The following NFASC variants were observed in gnomAD, a reference collection of about 807,000 sequenced individuals.
NFASC encodes neurofascin, also known as neurofascin homolog.
NFASC carries 43 observed loss-of-function variants against 147.5 expected under a neutral mutation model. That is an observed-to-expected ratio of 0.29 (90% CI 0.23 to 0.38). The LOEUF is 0.38. Ranked by LOEUF, NFASC falls within the 10% of genes least tolerant of loss-of-function variation. The pLI is 1.00. For missense variants in NFASC, 1,320 were observed against 1,689.0 expected, an observed-to-expected ratio of 0.78 and a Z score of 3.83; for synonymous variants, 622 against 665.5, an observed-to-expected ratio of 0.93 and a Z score of 1.01.
chr1:204,920,521 C>A, intron 1 of NFASC, 111 bp from the exon 2 acceptor site: 9 of 397,650 alleles, frequency 2.3e-5, no homozygotes, highest in Non-Finnish European at 3.1e-5. Context: ...TGGATGTGGA[C>A]AAAAATGTAA....
In NFASC at chr1:205,021,083, C is replaced by T. The variant is rs2096397545; in HGVS notation, c.*4544C>T. 1 of 152,146 alleles carries T rather than the reference C, an allele frequency of 6.6e-6. No individual in the cohort carries two copies. The highest frequency in any genetic ancestry group is 2.4e-5 in the African/African-American group (1 of 41,406). 9.4% of individuals were successfully genotyped at this position (152,146 alleles called of 1,614,324 possible). ...AAGAGCTTGATATGTCAAGAGGAGA[C>T]CAAGGCCCTGGGAGGCATAGGCAAG... On this transcript the variant is annotated 3_prime_UTR_variant, in exon 30 of 30. Coordinates refer to ENST00000339876, the MANE Select transcript of NFASC (RefSeq NM_001005388.3).
chr1:204,850,304 C>G lies in NFASC; in HGVS notation c.-200+21522C>G, dbSNP rs533466816. ...TCAATTTTTAATCATTTATTTAGTA[C>G]CTTGTCCCATGTTTTCTTCCTTAAT... On this transcript the variant is annotated intron_variant, in intron 1 of 29. Coordinates refer to ENST00000339876, the MANE Select transcript of NFASC (RefSeq NM_001005388.3). Among the ~76,000 whole-genome samples, 7 of 152,238 alleles carry G rather than the reference C, an allele frequency of 4.6e-5. No individual in the cohort carries two copies. The South Asian group carries it at 6.2e-4, about 14-fold the overall frequency.
chr1:205,012,714 G>T (rs748491091), intron 28 of NFASC, 83 bp from the exon 29 acceptor site: 2 of 1,025,800 alleles, frequency 1.9e-6, no homozygotes, highest in Admixed American at 3.4e-5. Flanking sequence ...GTGCCTTCTG[G>T]CCCTGCATTC....
rs186064823 is a variant in NFASC, at chr1:204,899,960, C to T, written c.-199-20672C>T. On this transcript the variant is annotated intron_variant, in intron 1 of 29. Coordinates refer to ENST00000339876, the MANE Select transcript of NFASC (RefSeq NM_001005388.3). ...ATTTTCTCATCTGTAAAGCGGGTGT[C>T]ATGATAATATGTACTGTACTAAGTG... 2.8e-3 allele frequency among the ~76,000 whole-genome samples: 419 copies of T among 152,262 alleles called. 2 individuals carry two copies. The highest frequency in any genetic ancestry group is 9.7e-3 in the African/African-American group (404 of 41,548).
chr1:204,876,869 G>A (rs1211516091), intron 1 of NFASC, among the ~76,000 whole-genome samples: 1 of 150,916 alleles, frequency 6.6e-6, no homozygotes, highest in Non-Finnish European at 1.5e-5. Flanking sequence ...GGAGAGCTTT[G>A]TTTTTTATAA....
rs1416530769 is a variant in NFASC, at chr1:205,015,549, T to A, written c.3492-759T>A. Reference sequence around the variant, plus strand: ...CAGCTTTACTCGGCAGCCTCCCAGCTCTCCCTGCACAAGGGGAGCTTAGGG... The same window carrying A: ...CAGCTTTACTCGGCAGCCTCCCAGCACTCCCTGCACAAGGGGAGCTTAGGG... On this transcript the variant is annotated intron_variant, in intron 29 of 29. Transcript: ENST00000339876. The surrounding 1 kb of genome is among the most constrained non-coding windows in gnomAD (Gnocchi z 4.0). Among the ~76,000 whole-genome samples, 1 of 151,814 alleles carries A rather than the reference T, an allele frequency of 6.6e-6. No individual in the cohort carries two copies. The highest frequency in any genetic ancestry group is 1.5e-5 in the Non-Finnish European group (1 of 67,988).
At chr1:204,861,986 T>A (rs924720685) in intron 1 of NFASC, among the ~76,000 whole-genome samples, 10 of 152,186 alleles carry the variant, frequency 6.6e-5, no homozygotes, top group African/African-American at 2.4e-4. Context: ...TTTCTAATTA[T>A]TTTTAGTGGT....
At chr1:204,993,432 G>T (rs2095783518) in intron 24 of NFASC, among the ~76,000 whole-genome samples, 4 of 152,230 alleles carry the variant, frequency 2.6e-5, no homozygotes. Context: ...TTCCGTGGCA[G>T]GTTCTGGGAC....
At chr1:204,906,202 A>T (rs17336405) in intron 1 of NFASC, among the ~76,000 whole-genome samples, 28,229 of 152,138 alleles carry the variant, frequency 0.19, 3,088 homozygotes, top group Non-Finnish European at 0.25. Flanking sequence ...CTTCCAAATG[A>T]GGTTTACTGA....
chr1:204,868,236 G>A (rs938090586), intron 1 of NFASC, among the ~76,000 whole-genome samples: 1 of 152,206 alleles, frequency 6.6e-6, no homozygotes, highest in African/African-American at 2.4e-5. Flanking sequence ...CTTGGCCACA[G>A]GATCAACAGT....
intron 17 of NFASC, 117 bp downstream of exon 17, chr1:204,977,842 C>G (rs2095437950): frequency 2.3e-6 from 2 of 877,254 alleles, no homozygotes; most frequent in Non-Finnish European, 3.5e-6. Context: ...TTGTGGGCAG[C>G]ACTCCTGGCT....
At chr1:204,840,787 A>G (rs2102491050) in intron 1 of NFASC, among the ~76,000 whole-genome samples, 1 of 152,378 alleles carries the variant, frequency 6.6e-6, no homozygotes, top group African/African-American at 2.4e-5. Context: ...CAGTAAATAT[A>G]TACCAAATGG....
rs373407236 is a variant in NFASC at position 204,997,419 on chromosome 1, G to A, written c.3019+13G>A. 223 of 1,551,614 alleles carry A rather than the reference G, an allele frequency of 1.4e-4. 1 individual carries two copies. The highest frequency in any genetic ancestry group is 3.3e-4 in the Middle Eastern group (2 of 5,990). ...ATACACGAATCCGGTACTGCGCATC[G>A]CCCATGCTCCCCATCCCCTCCTGGC... On this transcript the variant is annotated intron_variant, in intron 25 of 29. Coordinates refer to ENST00000339876, the MANE Select transcript of NFASC (RefSeq NM_001005388.3).
At chr1:204,889,597 A>T (rs1459299044) in intron 1 of NFASC, among the ~76,000 whole-genome samples, 1 of 152,200 alleles carries the variant, frequency 6.6e-6, no homozygotes, top group African/African-American at 2.4e-5. Flanking sequence ...ACACTGGTGA[A>T]TATCTTCTCA....
chr1:204,988,068 C>T (rs2095651731), intron 22 of NFASC, among the ~76,000 whole-genome samples: 1 of 152,216 alleles, frequency 6.6e-6, no homozygotes, highest in Non-Finnish European at 1.5e-5. Context: ...GACAGGAGTG[C>T]CATTACATTT....
chr1:204,976,988 T>C, intron 16 of NFASC, 193 bp downstream of exon 16: 1 of 1,352,146 alleles, frequency 7.4e-7, no homozygotes, highest in Non-Finnish European at 9.5e-7. Context: ...GCTGGACAGG[T>C]TACCTCCTGA....
intron 1 of NFASC, among the ~76,000 whole-genome samples, chr1:204,846,484 T>C (rs4951135): frequency 0.21 from 31,400 of 151,984 alleles, 4,816 homozygotes; most frequent in East Asian, 0.53. Flanking sequence ...GGCCATGCCA[T>C]GGTAGCCATC....
At chr1:204,993,727 G>A (rs776631455) in intron 24 of NFASC, 1 of 514,388 alleles carries the variant, frequency 1.9e-6, no homozygotes, top group Non-Finnish European at 3.9e-6. Flanking sequence ...TTCCAAACCT[G>A]TAGCTCCTAT....
In NFASC at chr1:204,987,446, C is replaced by A; in HGVS notation, c.2499C>A (p.Val833=). ...DLPSAPRRFR[V]RQPNLETINL... ...CCAGTGCCCCTAGGCGTTTCCGAGT[C>A]CGGCAGCCCAACCTGGAGACAATCA... The change falls in exon 22 of 30, where the codon GTC becomes GTA. Residue 833 remains valine, a synonymous_variant. Transcript: ENST00000339876. This position sits in a 1 kb window ranked among gnomAD's most constrained non-coding sequence, Gnocchi z 4.4. 1.9e-6 allele frequency: 3 copies of A among 1,614,074 alleles called. No homozygotes were observed. The South Asian group carries it at 3.3e-5, about 18-fold the overall frequency.
Sources: gnomAD v4.1 joint callset for allele counts (sites outside exome capture counted in the v4.1 genomes callset) on GRCh38, gnomAD v4.1.1 for gene constraint, Gnocchi (gnomAD v3.1) non-coding constraint, MANE v1.5 for transcripts, NCBI Gene and HGNC (gene_info 2026-07-23, HGNC 2026-07-21) for gene names.